The following FRMD5 variants were observed in gnomAD, a reference collection of about 807,000 sequenced individuals.
The protein encoded by FRMD5 is FERM domain-containing protein 5.
A neutral mutation model predicts 69.0 loss-of-function variants in FRMD5; 20 were observed. The observed-to-expected ratio is 0.29, with a 90% CI of 0.20 to 0.42. FRMD5 has a LOEUF of 0.42. Ranked by LOEUF, FRMD5 falls within the 10% of genes least tolerant of loss-of-function variation. The probability of loss-of-function intolerance (pLI) is 1.00; values close to 1 mark genes in which losing one functional copy is unlikely to be tolerated. For synonymous variants in FRMD5, 271 were observed against 260.1 expected, an observed-to-expected ratio of 1.04 and a Z score of -0.40; for missense variants, 595 against 708.6, an observed-to-expected ratio of 0.84 and a Z score of 1.82.
chr15:43,976,598 T>C (rs1566874733), intron 1 of FRMD5, among the ~76,000 whole-genome samples: 2 of 152,216 alleles, frequency 1.3e-5, no homozygotes, highest in Non-Finnish European at 2.9e-5. Context: ...AATAAGCCTG[T>C]GAGGCATCCC....
intron 1 of FRMD5, among the ~76,000 whole-genome samples, chr15:43,986,624 TATG>T (rs1889404385): frequency 1.3e-5 from 2 of 151,850 alleles, no homozygotes; most frequent in South Asian, 4.2e-4. Flanking sequence ...TAGAAGGGAG[TATG>T]ATGACAATTC....
At chr15:44,066,101 AGTTTC>A (rs1893298341) in intron 1 of FRMD5, among the ~76,000 whole-genome samples, 1 of 152,204 alleles carries the variant, frequency 6.6e-6, no homozygotes, top group African/African-American at 2.4e-5. Context: ...TTACCTTCTC[AGTTTC>A]ACCTCCCACT....
chr15:43,951,980 T>TTGTGTGTG (rs1174993374), intron 1 of FRMD5, among the ~76,000 whole-genome samples: 1 of 107,710 alleles, frequency 9.3e-6, no homozygotes, highest in African/African-American at 7.0e-5. Context: ...TGTGTGTGTG[T>TTGTGTGTG]TGTGTGTGTG....
At chr15:44,124,462 G>A (rs2076998039) in intron 1 of FRMD5, among the ~76,000 whole-genome samples, 1 of 151,870 alleles carries the variant, frequency 6.6e-6, no homozygotes, top group African/African-American at 2.4e-5. Flanking sequence ...CACTTTGGGA[G>A]GCCAAGGCAG....
At chr15:43,962,824 A>T (rs2090226029) in intron 1 of FRMD5, among the ~76,000 whole-genome samples, 1 of 152,252 alleles carries the variant, frequency 6.6e-6, no homozygotes, top group African/African-American at 2.4e-5. Context: ...CCTATTTAAT[A>T]GATGGTGGTG....
chr15:44,095,319 C>G (rs1473827163), intron 1 of FRMD5, among the ~76,000 whole-genome samples: 2 of 151,982 alleles, frequency 1.3e-5, no homozygotes, highest in Non-Finnish European at 2.9e-5. Context: ...CCTCCTGCCT[C>G]AGTTTCCCGA....
chr15:44,183,033 C>T (rs1037272248), intron 1 of FRMD5, among the ~76,000 whole-genome samples: 2 of 151,612 alleles, frequency 1.3e-5, no homozygotes, highest in African/African-American at 4.9e-5. Context: ...CTCCTGACCT[C>T]GTGATCCGCC....
At chr15:44,061,248 A>G (rs1398697634) in intron 1 of FRMD5, among the ~76,000 whole-genome samples, 4 of 152,202 alleles carry the variant, frequency 2.6e-5, no homozygotes, top group Non-Finnish European at 4.4e-5. Flanking sequence ...GCTTTTCTCA[A>G]TATCATAGTT....
chr15:44,074,488 C>T (rs1436528192), intron 1 of FRMD5, among the ~76,000 whole-genome samples: 1 of 151,502 alleles, frequency 6.6e-6, no homozygotes, highest in Non-Finnish European at 1.5e-5. Flanking sequence ...ATGGAAATCA[C>T]AGAGCTGAAT....
At chr15:44,001,498 T>A (rs1043824986) in intron 1 of FRMD5, among the ~76,000 whole-genome samples, 1 of 152,070 alleles carries the variant, frequency 6.6e-6, no homozygotes, top group Non-Finnish European at 1.5e-5. Flanking sequence ...TCATGGAGCT[T>A]TCCCCCTATA....
rs534179545 is a variant in FRMD5 at position 44,146,812 on chromosome 15, T to G, written c.102+48141A>C. On this transcript the variant is annotated intron_variant, in intron 1 of 13. Coordinates refer to ENST00000417257, the MANE Select transcript of FRMD5 (RefSeq NM_032892.5). ...ACGTCTTCTTTTAAGAAGTATCTGT[T>G]CATGTCCTTTGGCCACTTTTTAATG... 5.3e-5 allele frequency among the ~76,000 whole-genome samples: 8 copies of G among 152,336 alleles called. No individual in the cohort carries two copies. The South Asian group carries it at 1.7e-3, about 32-fold the overall frequency.
intron 1 of FRMD5, among the ~76,000 whole-genome samples, chr15:44,182,258 AC>A (rs2078016027): frequency 6.8e-6 from 1 of 147,862 alleles, no homozygotes; most frequent in African/African-American, 2.5e-5. Flanking sequence ...TGATCTGCCC[AC>A]CTTGGCCTCC....
At chr15:44,086,020 G>A (rs565560173) in intron 1 of FRMD5, among the ~76,000 whole-genome samples, 1 of 152,214 alleles carries the variant, frequency 6.6e-6, no homozygotes, top group South Asian at 2.1e-4. Context: ...ATATTCAGGA[G>A]ATAATTTTAA....
intron 1 of FRMD5, among the ~76,000 whole-genome samples, chr15:44,132,697 G>A (rs1283377273): frequency 6.6e-6 from 1 of 151,904 alleles, no homozygotes; most frequent in East Asian, 1.9e-4. Context: ...CCAAAGTGCT[G>A]GACTTACAGG....
At chr15:44,152,926 A>G (rs1304547949) in intron 1 of FRMD5, among the ~76,000 whole-genome samples, 2 of 152,236 alleles carry the variant, frequency 1.3e-5, no homozygotes, top group Non-Finnish European at 2.9e-5. Context: ...CATTTCTTCA[A>G]AGAAGATATA....
chr15:44,053,114 G>A (rs1158004821), intron 1 of FRMD5, among the ~76,000 whole-genome samples: 1 of 152,128 alleles, frequency 6.6e-6, no homozygotes, highest in African/African-American at 2.4e-5. Flanking sequence ...GCTAAAATCA[G>A]ATGGAATAGG....
At chr15:43,924,524 C>G (rs753573589) in intron 1 of FRMD5, among the ~76,000 whole-genome samples, 3 of 152,164 alleles carry the variant, frequency 2.0e-5, no homozygotes, top group Non-Finnish European at 4.4e-5. Context: ...CCCTTCCCAC[C>G]ACAAAGATGT....
At position 44,033,376 on chromosome 15, in the gene FRMD5, G is replaced by C. The variant is rs76716808; in HGVS notation, c.103-109067C>G. ...ACATATGTAAAAAACCTTCACATGT[G>C]CCTCCAAACCTAAAAGTTAAAAAAA... On this transcript the variant is annotated intron_variant, in intron 1 of 13. Coordinates refer to ENST00000417257, the MANE Select transcript of FRMD5 (RefSeq NM_032892.5). 2.3e-3 allele frequency among the ~76,000 whole-genome samples: 351 copies of C among 151,814 alleles called. 7 individuals are homozygous for C. The East Asian group carries it at 0.059, about 26-fold the overall frequency.
At position 44,004,367 on chromosome 15, in the gene FRMD5, T is replaced by A. The variant is rs988281164; in HGVS notation, c.103-80058A>T. On this transcript the variant is annotated intron_variant, in intron 1 of 13. Coordinates refer to ENST00000417257, the MANE Select transcript of FRMD5 (RefSeq NM_032892.5). ...CACAGATACTATGTTTTTGTTTTTG[T>A]TTTTGTTTTAATAAATTGAAGGTTT... Among the ~76,000 whole-genome samples, 8 of 152,358 alleles carry A rather than the reference T, an allele frequency of 5.3e-5. No individual in the cohort carries two copies. In the East Asian group the frequency reaches 1.3e-3, roughly 26 times the overall value.
Sources: gnomAD v4.1 joint callset for allele counts (sites outside exome capture counted in the v4.1 genomes callset) on GRCh38, gnomAD v4.1.1 for gene constraint, MANE v1.5 for transcripts, NCBI Gene and HGNC (gene_info 2026-07-23, HGNC 2026-07-21) for gene names.